RASGRP3: variants seen among roughly 807,000 people sequenced by gnomAD.
RASGRP3 encodes ras guanyl-releasing protein 3.
RASGRP3 carries 54 observed loss-of-function variants against 82.7 expected under a neutral mutation model. The observed-to-expected ratio is 0.65, with a 90% CI of 0.52 to 0.82. The LOEUF is 0.82. Ranked by LOEUF, RASGRP3 falls within the 40% of genes least tolerant of loss-of-function variation. RASGRP3 has a pLI of 0.00. For synonymous variants in RASGRP3, 309 were observed against 300.5 expected (o/e 1.03, Z -0.29); for missense variants, 861 against 828.9 (o/e 1.04, Z -0.48).
chr2:33,478,115 C>G (rs1667544724), intron 1 of RASGRP3, among the ~76,000 whole-genome samples: 1 of 152,170 alleles, frequency 6.6e-6, no homozygotes, highest in Admixed American at 6.5e-5. Context: ...GATCGAGTTT[C>G]CCTCAGCACA....
intron 1 of RASGRP3, among the ~76,000 whole-genome samples, chr2:33,487,831 G>A (rs1668525620): frequency 1.3e-5 from 2 of 152,162 alleles, no homozygotes; most frequent in Non-Finnish European, 2.9e-5. Context: ...CAGCCATGGT[G>A]GCTCATGCTT....
intron 14 of RASGRP3, among the ~76,000 whole-genome samples, chr2:33,550,484 C>T (rs11884210): frequency 3.9e-5 from 6 of 152,216 alleles, no homozygotes; most frequent in Non-Finnish European, 5.9e-5. Flanking sequence ...TTCCTTCCCC[C>T]ACCTTTGATA....
At chr2:33,455,088 A>T (rs1159582561) in intron 2 of RASGRP3, among the ~76,000 whole-genome samples, 2 of 152,184 alleles carry the variant, frequency 1.3e-5, no homozygotes, top group African/African-American at 4.8e-5. Context: ...AGTGTCATAG[A>T]TGTCAACTAT....
intron 14 of RASGRP3, among the ~76,000 whole-genome samples, chr2:33,552,829 C>T (rs544165441): frequency 6.6e-6 from 1 of 152,318 alleles, no homozygotes; most frequent in Non-Finnish European, 1.5e-5. Context: ...GCAGCAAAAC[C>T]ATGAGTCACA....
chr2:33,448,663 A>G (rs1665627800), intron 2 of RASGRP3, among the ~76,000 whole-genome samples: 1 of 152,202 alleles, frequency 6.6e-6, no homozygotes. Flanking sequence ...GGGTGGGGGG[A>G]AAGGGAGAAT....
At chr2:33,455,019 G>C (rs1455943) in intron 2 of RASGRP3, among the ~76,000 whole-genome samples, 122,946 of 152,012 alleles carry the variant, frequency 0.81, 49,846 homozygotes, top group Middle Eastern at 0.85. Flanking sequence ...GCCAAGGTAG[G>C]GGGGGCATAA....
At chr2:33,508,073 G>T (rs888209399) in intron 1 of RASGRP3, among the ~76,000 whole-genome samples, 6 of 152,164 alleles carry the variant, frequency 3.9e-5, no homozygotes, top group Non-Finnish European at 8.8e-5. Context: ...CAGAATCAAG[G>T]ATAATTCCCA....
In RASGRP3 at chr2:33,492,206, G is replaced by A. The variant is rs191904956; in HGVS notation, c.-261+15499G>A. The stretch of plus-strand genomic sequence containing the variant: ...CTTTAAGGTAATAAAAAATGACATC[G>A]AGTGGTAGAAACTCAGGAATTTTGA... On this transcript the variant is annotated intron_variant, in intron 1 of 17. Coordinates refer to ENST00000403687, the MANE Select transcript of RASGRP3 (RefSeq NM_001139488.2). Among the ~76,000 whole-genome samples the A allele has an allele frequency of 2.2e-4, 33 of 152,270 alleles. No homozygotes were observed. The East Asian group carries it at 4.6e-3, about 21-fold the overall frequency.
chr2:33,529,186 G>A (rs1342366906), intron 10 of RASGRP3, among the ~76,000 whole-genome samples: 2 of 152,104 alleles, frequency 1.3e-5, no homozygotes, highest in African/African-American at 2.4e-5. Flanking sequence ...AATATTGAAG[G>A]ATTTTCAATA....
At chr2:33,555,425 G>C (rs1675841755) in intron 14 of RASGRP3, 106 bp from the exon 15 acceptor site, 2 of 902,244 alleles carry the variant, frequency 2.2e-6, no homozygotes, top group South Asian at 3.2e-5. Flanking sequence ...CATCCTGTTT[G>C]TGCCTGGCCA....
intron 14 of RASGRP3, 21 bp from the exon 15 acceptor site, chr2:33,555,510 T>G (rs1248072950): frequency 6.3e-7 from 1 of 1,584,652 alleles, no homozygotes; most frequent in African/African-American, 1.3e-5. Flanking sequence ...TTCCCTGACA[T>G]TCCTTTGTCT....
At chr2:33,473,362 AAC>A (rs1197808628), upstream of RASGRP3, among the ~76,000 whole-genome samples, 2 of 151,522 alleles carry the variant, frequency 1.3e-5, no homozygotes, top group African/African-American at 4.9e-5. Context: ...CAGCCTGGGC[AAC>A]ACAGTGAGAC....
chr2:33,518,942 T>C (rs1213539857), intron 4 of RASGRP3, among the ~76,000 whole-genome samples: 1 of 152,198 alleles, frequency 6.6e-6, no homozygotes, highest in Non-Finnish European at 1.5e-5. Context: ...GCTGAGGCTG[T>C]TTTACAGTTA....
intron 15 of RASGRP3, among the ~76,000 whole-genome samples, chr2:33,556,681 C>T (rs1044929704): frequency 1.1e-4 from 17 of 152,238 alleles, no homozygotes; most frequent in South Asian, 4.1e-4. Flanking sequence ...TCCAGTATTT[C>T]GTCCTCATTT....
chr2:33,506,175 C>A (rs1400270221), intron 1 of RASGRP3, among the ~76,000 whole-genome samples: 4 of 152,276 alleles, frequency 2.6e-5, no homozygotes, highest in Admixed American at 1.3e-4. Context: ...TAATAGTGAA[C>A]GTTATTCATT....
chr2:33,562,333 T>C (rs1676764707), intron 17 of RASGRP3, among the ~76,000 whole-genome samples: 1 of 150,550 alleles, frequency 6.6e-6, no homozygotes, highest in Admixed American at 6.7e-5. Flanking sequence ...AGTGGTACAG[T>C]CATAGCTCAC....
chr2:33,517,322 C>T (rs1017022980), intron 4 of RASGRP3, among the ~76,000 whole-genome samples: 1 of 152,224 alleles, frequency 6.6e-6, no homozygotes. Context: ...GTAAAAGGTT[C>T]TATTCCCTGA....
intron 13 of RASGRP3, among the ~76,000 whole-genome samples, chr2:33,548,381 A>AAAG (rs1553363579): frequency 0.015 from 1,873 of 127,630 alleles, 78 homozygotes; most frequent in South Asian, 0.018. Context: ...AAAAAAAAAA[A>AAAG]AAGAAGGTAG....
intron 14 of RASGRP3, among the ~76,000 whole-genome samples, chr2:33,550,781 T>C (rs1675281899): frequency 6.6e-6 from 1 of 152,180 alleles, no homozygotes; most frequent in Non-Finnish European, 1.5e-5. Context: ...TCCCATCCCA[T>C]GCTCAAAGAA....
Sources: gnomAD v4.1 joint callset for allele counts (sites outside exome capture counted in the v4.1 genomes callset) on GRCh38, gnomAD v4.1.1 for gene constraint, MANE v1.5 for transcripts, NCBI Gene and HGNC (gene_info 2026-07-23, HGNC 2026-07-21) for gene names.